Variants in MTMR9 observed in about 807,000 individuals in gnomAD.
The protein encoded by MTMR9 is myotubularin related protein 9, also known as myotubularin-related protein 9.
In MTMR9, 39 loss-of-function variants were observed where a neutral mutation model predicts 69.5. The observed-to-expected ratio is 0.56, with a 90% confidence interval of 0.43 to 0.73. The LOEUF (loss-of-function observed/expected upper bound fraction) is 0.73. Ranked by LOEUF, MTMR9 falls within the 30% of genes least tolerant of loss-of-function variation. MTMR9 has a pLI of 0.00. For synonymous variants in MTMR9, 354 were observed against 240.8 expected (o/e 1.47, Z -4.35); for missense variants, 900 against 671.2 (o/e 1.34, Z -3.77).
At chr8:11,287,707 A>ATTATAATATATATTATATAT in intron 1 of MTMR9, among the ~76,000 whole-genome samples, 1 of 127,838 alleles carries the variant, frequency 7.8e-6, no homozygotes, top group African/African-American at 3.6e-5. Flanking sequence ...TATATATTAT[A>ATTATAATATATATTATATAT]TATATTATAA....
chr8:11,312,643 G>A (rs1184332403), intron 6 of MTMR9, among the ~76,000 whole-genome samples: 1 of 152,168 alleles, frequency 6.6e-6, no homozygotes, highest in East Asian at 1.9e-4. Context: ...TCTTTTTAAT[G>A]TTGATGTTTT....
downstream of MTMR9, chr8:11,331,899 G>C (rs541045541): frequency 1.2e-6 from 2 of 1,612,040 alleles, no homozygotes; most frequent in Non-Finnish European, 8.5e-7. Context: ...CCTCGCCTTG[G>C]TCTCCTTCAC....
chr8:11,296,061 AAT>A (rs1201893248), intron 2 of MTMR9, among the ~76,000 whole-genome samples: 1 of 151,612 alleles, frequency 6.6e-6, no homozygotes, highest in Non-Finnish European at 1.5e-5. Flanking sequence ...TTTGAATAGA[AAT>A]ATTAATAAAT....
At chr8:11,309,958 C>A (rs1800129051) in intron 6 of MTMR9, among the ~76,000 whole-genome samples, 1 of 151,220 alleles carries the variant, frequency 6.6e-6, no homozygotes. Flanking sequence ...TTTTCTAGTA[C>A]ACCCTTAAAT....
At position 11,310,497 on chromosome 8, in the gene MTMR9, A is replaced by G. The variant is rs558591602; in HGVS notation, c.971+809A>G. On this transcript the variant is annotated intron_variant, in intron 6 of 9. Transcript: ENST00000221086. ...TGTTATGGTTATAGAGAAATTCATA[A>G]TAGAATGGGTTGCTGAAATCATGTG... Among the ~76,000 whole-genome samples, 39 of 152,310 alleles carry G rather than the reference A, an allele frequency of 2.6e-4. No individual in the cohort carries two copies. The South Asian group carries it at 7.3e-3, about 28-fold the overall frequency.
downstream of MTMR9, chr8:11,331,495 C>A (rs749213976): frequency 1.2e-5 from 20 of 1,613,862 alleles, no homozygotes; most frequent in Middle Eastern, 9.9e-4. Flanking sequence ...GCTGGCAACG[C>A]TGCCACTGTT....
chr8:11,302,471 A>G (rs1799784970), intron 3 of MTMR9, among the ~76,000 whole-genome samples: 1 of 152,128 alleles, frequency 6.6e-6, no homozygotes, highest in Non-Finnish European at 1.5e-5. Context: ...CAAAGAAAAT[A>G]CCACAAAGTT....
intron 2 of MTMR9, chr8:11,298,679 T>A (rs1799638113): frequency 2.4e-6 from 2 of 819,544 alleles, no homozygotes; most frequent in Non-Finnish European, 2.9e-6. Context: ...ATTCCTGCAG[T>A]TTGAATTATG....
At chr8:11,321,553 C>T (rs763856841) in intron 9 of MTMR9, 1 of 454,228 alleles carries the variant, frequency 2.2e-6, no homozygotes, top group South Asian at 1.6e-5. Context: ...GGATTAAGTC[C>T]TGCCATGCCG....
Position 11,325,627 on chromosome 8 carries a change from C to G in MTMR9, c.*2839C>G, listed in dbSNP as rs1023567960. On this transcript the variant is annotated 3_prime_UTR_variant, in exon 10 of 10. Coordinates refer to ENST00000221086, the MANE Select transcript of MTMR9 (RefSeq NM_015458.4). ...AGGATCACCACAATCCTCTATTGAACATATAAGGATCCTCAGATTTAAATA... is the reference window on the plus strand; with the variant it reads ...AGGATCACCACAATCCTCTATTGAAGATATAAGGATCCTCAGATTTAAATA... 6.6e-6 allele frequency: 1 copy of G among 150,422 alleles called. No homozygotes were observed. Among genetic ancestry groups the G allele is most frequent in the Non-Finnish European group, 1.5e-5 (1 of 67,786 alleles). 9.3% of individuals were successfully genotyped at this position (150,422 alleles called of 1,614,324 possible).
intron 1 of MTMR9, among the ~76,000 whole-genome samples, chr8:11,286,270 T>C (rs924422785): frequency 3.3e-5 from 5 of 151,630 alleles, no homozygotes; most frequent in South Asian, 2.1e-4. Context: ...AAATTTCTAA[T>C]GGTAGAATTG....
chr8:11,285,955 T>C (rs1343535364), intron 1 of MTMR9, among the ~76,000 whole-genome samples: 2 of 140,174 alleles, frequency 1.4e-5, no homozygotes, highest in Admixed American at 7.0e-5. Context: ...TTTCTTTTTT[T>C]TTTTTTTTTT....
At chr8:11,312,619 A>C (rs1191530119) in intron 6 of MTMR9, among the ~76,000 whole-genome samples, 2 of 152,216 alleles carry the variant, frequency 1.3e-5, no homozygotes, top group African/African-American at 4.8e-5. Flanking sequence ...ATGTGGAATC[A>C]ACTTCTTCCA....
chr8:11,291,904 G>A (rs1216820229), intron 1 of MTMR9, among the ~76,000 whole-genome samples: 1 of 137,324 alleles, frequency 7.3e-6, no homozygotes, highest in East Asian at 2.0e-4. Flanking sequence ...AGGTACAGTC[G>A]ACGTATTACA....
downstream of MTMR9, among the ~76,000 whole-genome samples, chr8:11,328,960 C>T (rs547439166): frequency 1.2e-4 from 18 of 152,214 alleles, no homozygotes; most frequent in East Asian, 1.7e-3. Context: ...TTTTTGTATA[C>T]CGTGTAAGGT....
In MTMR9 at chr8:11,323,958, T is replaced by G. The variant is rs1210134987; in HGVS notation, c.*1170T>G. On this transcript the variant is annotated 3_prime_UTR_variant, in exon 10 of 10. Coordinates refer to ENST00000221086, the MANE Select transcript of MTMR9 (RefSeq NM_015458.4). The stretch of plus-strand genomic sequence containing the variant: ...TTATAGAAACAGTGATGACTATTCA[T>G]GCTCTGCTAGTCTATGCCTGCAACT... 6.6e-6 allele frequency: 1 copy of G among 152,254 alleles called. No individual in the cohort carries two copies. The highest frequency in any genetic ancestry group is 2.4e-5 in the African/African-American group (1 of 41,468). The allele number at this position is 152,254 out of a possible 1,614,324, so 9.4% of individuals were successfully genotyped here.
intron 5 of MTMR9, among the ~76,000 whole-genome samples, chr8:11,306,740 A>G (rs1450023681): frequency 6.6e-6 from 1 of 152,234 alleles, no homozygotes; most frequent in Non-Finnish European, 1.5e-5. Flanking sequence ...GTTTTCAAGC[A>G]TACAATATAT....
At chr8:11,286,666 CAAA>C (rs869105936) in intron 1 of MTMR9, among the ~76,000 whole-genome samples, 374 of 71,630 alleles carry the variant, frequency 5.2e-3, no homozygotes, top group East Asian at 0.011. Context: ...AACTCCATCT[CAAA>C]AAAAAAAAAA....
At position 11,322,942 on chromosome 8, in the gene MTMR9, A is replaced by T; in HGVS notation, c.*154A>T. The T allele has an allele frequency of 3.8e-6, 2 of 531,116 alleles. No homozygotes were observed. The highest frequency in any genetic ancestry group is 6.3e-6 in the Non-Finnish European group (2 of 319,938). 32.9% of individuals were successfully genotyped at this position (531,116 alleles called of 1,614,324 possible). A position where few individuals can be genotyped will look rare whatever the true frequency, so the allele number is the denominator to read the frequency against. ...TAATGGATTTCTCAATACTGTATGA[A>T]TAATGAAACTTACTATCATAAACCA... On this transcript the variant is annotated 3_prime_UTR_variant, in exon 10 of 10. Transcript: ENST00000221086.
Sources: gnomAD v4.1 joint callset for allele counts (sites outside exome capture counted in the v4.1 genomes callset) on GRCh38, gnomAD v4.1.1 for gene constraint, MANE v1.5 for transcripts, NCBI Gene and HGNC (gene_info 2026-07-23, HGNC 2026-07-21) for gene names.